DOCK7: variants seen among roughly 807,000 people sequenced by gnomAD.
DOCK7 encodes dedicator of cytokinesis 7.
Under a neutral mutation model 271.0 loss-of-function variants are expected in DOCK7, and 138 were observed. The observed-to-expected ratio is 0.51, with a 90% confidence interval of 0.44 to 0.59. The LOEUF (loss-of-function observed/expected upper bound fraction) is 0.59, where lower values mean the gene tolerates loss of function less well. DOCK7 is among the 20% of genes least tolerant of loss of function. The probability of loss-of-function intolerance (pLI) is 0.00; values close to 1 mark genes in which losing one functional copy is unlikely to be tolerated. For synonymous variants in DOCK7, 823 were observed against 876.1 expected (o/e 0.94, Z 1.07); for missense variants, 2,066 against 2,592.4 (o/e 0.80, Z 4.41).
intron 48 of DOCK7, among the ~76,000 whole-genome samples, chr1:62,472,615 G>A (rs977432121): frequency 2.0e-5 from 3 of 152,184 alleles, no homozygotes; most frequent in Non-Finnish European, 2.9e-5. Flanking sequence ...ACCTAAAGAA[G>A]TATGTACTGT....
rs145336058 is a variant in DOCK7, at chr1:62,547,008, T to G, written c.2767-1969A>C. On this transcript the variant is annotated intron_variant, in intron 22 of 49. Transcript: ENST00000635253. The stretch of plus-strand genomic sequence containing the variant: ...GCAAAATTATAACTGTCCTCTTTTC[T>G]CTCATGAATTTCCACAAAAAGAATA... Among the ~76,000 whole-genome samples the G allele has an allele frequency of 1.8e-3, 276 of 152,270 alleles. 1 individual carries two copies. The highest frequency in any genetic ancestry group is 6.4e-3 in the African/African-American group (268 of 41,582).
chr1:62,560,973 A>C (rs1248073411), intron 19 of DOCK7, among the ~76,000 whole-genome samples: 1 of 152,162 alleles, frequency 6.6e-6, no homozygotes, highest in Non-Finnish European at 1.5e-5. Context: ...CAATAAACAA[A>C]TGTGTATGTA....
chr1:62,458,373 T>G (rs528132781), intron 48 of DOCK7: 1 of 152,296 alleles, frequency 6.6e-6, no homozygotes, highest in East Asian at 1.9e-4. Context: ...AAATCTACTA[T>G]TTACTTCCAG....
chr1:62,537,842 C>T, intron 28 of DOCK7, 49 bp downstream of exon 28: 2 of 1,531,620 alleles, frequency 1.3e-6, no homozygotes, highest in Non-Finnish European at 1.8e-6. Flanking sequence ...TAAAACTATT[C>T]TTCACAAAAG....
At chr1:62,545,986 G>GT (rs1241594839) in intron 22 of DOCK7, among the ~76,000 whole-genome samples, 7 of 152,138 alleles carry the variant, frequency 4.6e-5, no homozygotes, top group Non-Finnish European at 1.0e-4. Context: ...GGAGCAAGTT[G>GT]TAAAAGATTT....
Position 62,524,132 on chromosome 1 carries a change from C to T in DOCK7, c.3936+4019G>A, listed in dbSNP as rs969729392. 4.6e-5 allele frequency among the ~76,000 whole-genome samples: 7 copies of T among 152,006 alleles called. No homozygotes were observed. In the East Asian group the frequency reaches 7.7e-4, roughly 17 times the overall value. On this transcript the variant is annotated intron_variant, in intron 31 of 49. Coordinates refer to ENST00000635253, the MANE Select transcript of DOCK7 (RefSeq NM_001367561.1). ...ATCATACTTATGGAAAAGTGCACAC[C>T]GCACAAGTCTTCGGGGAAATACAAG...
Position 62,648,506 on chromosome 1 carries a change from A to G in DOCK7, c.428T>C (p.Leu143Ser). 1 of 1,468,662 alleles carries G rather than the reference A, an allele frequency of 6.8e-7. No homozygotes were observed. Among genetic ancestry groups the G allele is most frequent in the South Asian group, 1.4e-5 (1 of 71,966 alleles). 91.0% of individuals were successfully genotyped at this position (1,468,662 alleles called of 1,614,324 possible). Residue 143 changes from leucine to serine, a missense_variant, in exon 5 of 50, where the codon TTA (leucine) becomes TCA (serine). Physicochemically the swap from Leu to Ser is moderately radical, Grantham distance 145. Transcript: ENST00000635253. ...TTTTTGCCTTTCTTTCTGTTTATCT[A>G]ATGTATTGGGATTAAATCCTGTTCC... ...KLGTGFNPNTLDKQKERQKGL... is the reference protein window; with the variant it reads ...KLGTGFNPNTSDKQKERQKGL...
At chr1:62,679,274 T>C (rs1660855823) in intron 1 of DOCK7, among the ~76,000 whole-genome samples, 1 of 152,142 alleles carries the variant, frequency 6.6e-6, no homozygotes, top group African/African-American at 2.4e-5. Flanking sequence ...TAAAAAAGAC[T>C]GGTAAGTTAA....
intron 14 of DOCK7, among the ~76,000 whole-genome samples, chr1:62,614,496 A>G (rs1445429448): frequency 1.3e-5 from 2 of 151,982 alleles, no homozygotes; most frequent in African/African-American, 4.8e-5. Flanking sequence ...ATTGACTCTG[A>G]TAATCTCCCT....
In DOCK7 at chr1:62,610,411, C is replaced by T. The variant is rs147373588; in HGVS notation, c.1682+8295G>A. Among the ~76,000 whole-genome samples, 369 of 152,168 alleles carry T rather than the reference C, an allele frequency of 2.4e-3. 9 individuals carry two copies. The South Asian group carries it at 0.064, about 26-fold the overall frequency. ...AATTATGAATGTAGTAAACCAACCA[C>T]AGCAGTATTACCAGTATATAAGATT... is the stretch of plus-strand genomic sequence containing the variant. On this transcript the variant is annotated intron_variant, in intron 14 of 49. Coordinates refer to ENST00000635253, the MANE Select transcript of DOCK7 (RefSeq NM_001367561.1).
At chr1:62,649,377 A>G (rs1380089073) in intron 4 of DOCK7, among the ~76,000 whole-genome samples, 1 of 152,196 alleles carries the variant, frequency 6.6e-6, no homozygotes, top group African/African-American at 2.4e-5. Flanking sequence ...AAGCTATTAA[A>G]ATAGCAATTA....
At chr1:62,551,379 C>A in intron 22 of DOCK7, among the ~76,000 whole-genome samples, 1 of 147,636 alleles carries the variant, frequency 6.8e-6, no homozygotes, top group African/African-American at 2.5e-5. Flanking sequence ...CCTGAACAAA[C>A]TCATAATGTT....
chr1:62,587,364 C>G (rs932483953), intron 14 of DOCK7, among the ~76,000 whole-genome samples: 1 of 147,192 alleles, frequency 6.8e-6, no homozygotes. Context: ...CGTTTAGAGC[C>G]AATGAACAAG....
rs1478912723 is a variant in DOCK7 at position 62,527,775 on chromosome 1, T to C, written c.3936+376A>G. On this transcript the variant is annotated intron_variant, in intron 31 of 49. Coordinates refer to ENST00000635253, the MANE Select transcript of DOCK7 (RefSeq NM_001367561.1). ...ATAGCATTTGGAGATATACCTAATG[T>C]TAAATGACGAGTTACTGGGTGCAGC... 2.9e-4 allele frequency among the ~76,000 whole-genome samples: 44 copies of C among 150,596 alleles called. 2 individuals carry two copies. Among genetic ancestry groups the C allele is most frequent in the Admixed American group, 2.9e-3 (44 of 15,078 alleles).
At chr1:62,597,440 T>C in intron 14 of DOCK7, 1 of 951,350 alleles carries the variant, frequency 1.1e-6, no homozygotes, top group Non-Finnish European at 1.6e-6. Flanking sequence ...GCTTAATGAT[T>C]AACTATGTTC....
chr1:62,553,352 ATATTTTTTTTTTTTTTTTTTT>A (rs1301494938), intron 21 of DOCK7, among the ~76,000 whole-genome samples: 586 of 9,334 alleles, frequency 0.063, 7 homozygotes, highest in Admixed American at 0.21. Flanking sequence ...ATATATATAT[ATATTTTTTTTTTTTTTTTTTT>A]TTTTTTTTTT....
At chr1:62,598,667 C>G (rs1649648863) in intron 14 of DOCK7, 1 of 1,321,610 alleles carries the variant, frequency 7.6e-7, no homozygotes, top group Non-Finnish European at 1.1e-6. Flanking sequence ...AGGAAAGCAA[C>G]TTATAACCAA....
intron 7 of DOCK7, among the ~76,000 whole-genome samples, chr1:62,639,258 G>A (rs752615142): frequency 6.6e-6 from 1 of 151,970 alleles, no homozygotes; most frequent in Non-Finnish European, 1.5e-5. Context: ...AAATCAAAGT[G>A]AAATGCTAAT....
chr1:62,646,693 C>T (rs1656709990), intron 7 of DOCK7, among the ~76,000 whole-genome samples: 1 of 152,188 alleles, frequency 6.6e-6, no homozygotes, highest in African/African-American at 2.4e-5. Flanking sequence ...CTCTACAACT[C>T]TGAGAAATAA....
Sources: gnomAD v4.1 joint callset for allele counts (sites outside exome capture counted in the v4.1 genomes callset) on GRCh38, gnomAD v4.1.1 for gene constraint, MANE v1.5 for transcripts, NCBI Gene and HGNC (gene_info 2026-07-23, HGNC 2026-07-21) for gene names.